Variants in NRXN3 observed in about 807,000 individuals in gnomAD.
NRXN3 encodes the protein neurexin 3, also known as neurexin III.
In NRXN3, 32 loss-of-function variants were observed where a neutral mutation model predicts 137.6. The observed-to-expected ratio is 0.23, with a 90% CI of 0.18 to 0.31. NRXN3 has a LOEUF of 0.31. Ranked by LOEUF, NRXN3 falls within the 10% of genes least tolerant of loss-of-function variation. The pLI is 1.00. For missense variants in NRXN3, 1,574 were observed against 2,062.5 expected, an observed-to-expected ratio of 0.76 and a Z score of 4.59; for synonymous variants, 798 against 784.5, an observed-to-expected ratio of 1.02 and a Z score of -0.29.
chr14:78,549,587 G>C (rs1204532984), intron 4 of NRXN3, among the ~76,000 whole-genome samples: 1 of 152,142 alleles, frequency 6.6e-6, no homozygotes, highest in Non-Finnish European at 1.5e-5. Flanking sequence ...GCTGTGAATG[G>C]TGCACAGGTG....
chr14:79,247,080 G>A (rs926510941), intron 15 of NRXN3: 2 of 152,108 alleles, frequency 1.3e-5, no homozygotes, highest in East Asian at 3.9e-4. Flanking sequence ...TGACCTCTGG[G>A]GTCGTTGGTT....
chr14:79,278,103 G>A (rs1249109586), intron 15 of NRXN3, among the ~76,000 whole-genome samples: 1 of 152,264 alleles, frequency 6.6e-6, no homozygotes, highest in Admixed American at 6.5e-5. Flanking sequence ...TTTGAAATGA[G>A]AGTGGAGTAT....
chr14:78,666,115 A>G (rs1012644899), intron 6 of NRXN3, among the ~76,000 whole-genome samples: 1 of 152,148 alleles, frequency 6.6e-6, no homozygotes, highest in African/African-American at 2.4e-5. Flanking sequence ...TTGTGGTAAA[A>G]AAACACATAT....
intron 15 of NRXN3, among the ~76,000 whole-genome samples, chr14:79,187,343 G>A (rs1293599171): frequency 6.6e-6 from 1 of 152,084 alleles, no homozygotes; most frequent in South Asian, 2.1e-4. Context: ...TGGGCTAAAT[G>A]GTTCAAATTC....
At chr14:79,026,954 A>AAT (rs2099599270) in intron 15 of NRXN3, among the ~76,000 whole-genome samples, 2 of 110 alleles carry the variant, frequency 0.018, no homozygotes, top group African/African-American at 0.029. Context: ...ATAATTTTAT[A>AAT]TATATATATA....
At chr14:79,529,610 T>A (rs1003361543) in intron 16 of NRXN3, among the ~76,000 whole-genome samples, 1 of 152,244 alleles carries the variant, frequency 6.6e-6, no homozygotes, top group Non-Finnish European at 1.5e-5. Context: ...ATTTTTCAAG[T>A]GTGTGAAACA....
intron 19 of NRXN3, among the ~76,000 whole-genome samples, chr14:79,758,788 T>G (rs1342324159): frequency 1.3e-5 from 2 of 152,130 alleles, no homozygotes; most frequent in Non-Finnish European, 2.9e-5. Flanking sequence ...GCAAGAAACC[T>G]TAACGGGACT....
chr14:78,612,978 A>AGT (rs953708033), intron 4 of NRXN3, among the ~76,000 whole-genome samples: 4 of 152,200 alleles, frequency 2.6e-5, no homozygotes, highest in African/African-American at 9.6e-5. Flanking sequence ...AATGAACCTT[A>AGT]GTGTCATATC....
intron 16 of NRXN3, among the ~76,000 whole-genome samples, chr14:79,505,474 T>A (rs1343654510): frequency 6.6e-6 from 1 of 152,174 alleles, no homozygotes; most frequent in Non-Finnish European, 1.5e-5. Context: ...AAGGATTTTA[T>A]GGACTAAGAC....
intron 4 of NRXN3, among the ~76,000 whole-genome samples, chr14:78,578,061 C>T (rs1180965340): frequency 6.6e-6 from 1 of 151,840 alleles, no homozygotes; most frequent in Non-Finnish European, 1.5e-5. Context: ...TATATATATA[C>T]ACACATATAT....
chr14:78,265,134 T>A (rs761445668), intron 2 of NRXN3, among the ~76,000 whole-genome samples: 2 of 152,246 alleles, frequency 1.3e-5, no homozygotes, highest in Non-Finnish European at 2.9e-5. Flanking sequence ...AAACACAAGC[T>A]TTTGGTGATA....
At chr14:79,752,062 G>C (rs1397515788) in intron 19 of NRXN3, among the ~76,000 whole-genome samples, 1 of 152,068 alleles carries the variant, frequency 6.6e-6, no homozygotes, top group African/African-American at 2.4e-5. Flanking sequence ...GTCCAGCTTT[G>C]GTATCAGGAT....
intron 4 of NRXN3, among the ~76,000 whole-genome samples, chr14:78,560,743 G>C (rs952715697): frequency 6.6e-6 from 1 of 152,172 alleles, no homozygotes; most frequent in African/African-American, 2.4e-5. Flanking sequence ...GCTGGAACCT[G>C]GGGGAAAAGA....
At chr14:78,479,427 C>T (rs901334202) in intron 4 of NRXN3, among the ~76,000 whole-genome samples, 2 of 152,210 alleles carry the variant, frequency 1.3e-5, no homozygotes, top group African/African-American at 4.8e-5. Context: ...GTATTTCTAA[C>T]ACATCCTTGG....
chr14:79,621,508 T>C (rs1316894064), intron 16 of NRXN3, among the ~76,000 whole-genome samples: 25 of 152,224 alleles, frequency 1.6e-4, no homozygotes, highest in Non-Finnish European at 1.5e-5. Flanking sequence ...TTCTTAGACT[T>C]GTGCAATTTG....
At chr14:78,600,462 A>T (rs1174759525) in intron 4 of NRXN3, among the ~76,000 whole-genome samples, 2 of 152,178 alleles carry the variant, frequency 1.3e-5, no homozygotes, top group African/African-American at 4.8e-5. Flanking sequence ...AGATTTGAGG[A>T]GTCATAAAAC....
At chr14:78,730,381 CTCT>C (rs10590556) in intron 8 of NRXN3, among the ~76,000 whole-genome samples, 2,160 of 152,132 alleles carry the variant, frequency 0.014, 58 homozygotes, top group African/African-American at 0.049. Flanking sequence ...TTCCTGTTTC[CTCT>C]TCTTTATCCC....
chr14:78,740,598 C>G (rs1020976433), intron 8 of NRXN3, among the ~76,000 whole-genome samples: 2 of 148,482 alleles, frequency 1.3e-5, no homozygotes, highest in Non-Finnish European at 3.0e-5. Flanking sequence ...CCCTCCACAT[C>G]TTTGTCTTCT....
At chr14:78,806,771 C>A (rs2153088170) in intron 9 of NRXN3, among the ~76,000 whole-genome samples, 1 of 152,202 alleles carries the variant, frequency 6.6e-6, no homozygotes, top group South Asian at 2.1e-4. Context: ...TATTTTGATT[C>A]TTTAGAATTA....
Sources: gnomAD v4.1 joint callset for allele counts (sites outside exome capture counted in the v4.1 genomes callset) on GRCh38, gnomAD v4.1.1 for gene constraint, MANE v1.5 for transcripts, NCBI Gene and HGNC (gene_info 2026-07-23, HGNC 2026-07-21) for gene names.